The following ARHGAP20 variants were observed in gnomAD, a reference collection of about 807,000 sequenced individuals.
ARHGAP20 encodes the protein rho GTPase-activating protein 20.
Under a neutral mutation model 73.7 loss-of-function variants are expected in ARHGAP20, and 34 were observed. The ratio of observed to expected loss-of-function variants is 0.46; its 90% CI spans 0.35 to 0.61. ARHGAP20 has a LOEUF of 0.61. Among genes scored for constraint, ARHGAP20 ranks in the 20% least tolerant of loss-of-function variants. The pLI is 0.00. For missense variants in ARHGAP20, 1,314 were observed against 1,420.9 expected (o/e 0.92, Z 1.21); for synonymous variants, 523 against 518.2 (o/e 1.01, Z -0.13).
At chr11:110,585,109 G>A (rs1299960190) in intron 12 of ARHGAP20, among the ~76,000 whole-genome samples, 2 of 149,940 alleles carry the variant, frequency 1.3e-5, no homozygotes, top group Non-Finnish European at 1.5e-5. Context: ...ATGAATATAT[G>A]TGAATATATA....
chr11:110,630,469 A>C (rs988126350), intron 3 of ARHGAP20, among the ~76,000 whole-genome samples, 159 bp downstream of exon 3: 2 of 146,846 alleles, frequency 1.4e-5, no homozygotes, highest in African/African-American at 4.9e-5. Flanking sequence ...AAAATGAACA[A>C]TCGATTTTTT....
At chr11:110,656,299 AG>A (rs527322994) in intron 2 of ARHGAP20, among the ~76,000 whole-genome samples, 201 of 152,156 alleles carry the variant, frequency 1.3e-3, no homozygotes, top group African/African-American at 4.7e-3. Context: ...TGAGCCTCTG[AG>A]GTAGGGTCTT....
At chr11:110,597,170 G>A (rs987566324) in intron 9 of ARHGAP20, among the ~76,000 whole-genome samples, 6 of 151,262 alleles carry the variant, frequency 4.0e-5, no homozygotes, top group East Asian at 2.0e-4. Context: ...GGAAAGCACT[G>A]GGAAATATAC....
chr11:110,712,139 G>A lies in ARHGAP20; in HGVS notation c.93C>T (p.Ser31=). The change falls in exon 1 of 15, where the codon AGC becomes AGT. Residue 31 remains serine (S), a synonymous_variant. Transcript: ENST00000683387. ...LTGVSRLAGG[S]CTKKKMKTLA... is the part of the protein sequence containing the mutation. ...TCAGCGTCCTCACCTTCTTGGTGCA[G>A]CTGCCTCCCGCGAGCCGAGACACTC... 1.5e-6 allele frequency: 2 copies of A among 1,357,262 alleles called. No homozygotes were observed. Among genetic ancestry groups the A allele is most frequent in the Admixed American group, 3.0e-5 (1 of 33,200 alleles). The allele number at this position is 1,357,262 out of a possible 1,614,324, so 84.1% of individuals were successfully genotyped here.
At chr11:110,610,977 G>A (rs928924802) in intron 7 of ARHGAP20, among the ~76,000 whole-genome samples, 4 of 152,140 alleles carry the variant, frequency 2.6e-5, no homozygotes, top group Middle Eastern at 3.4e-3. Context: ...GTAGCAAGGG[G>A]AGAAGGAGGA....
intron 1 of ARHGAP20, chr11:110,690,949 G>A (rs1284795061): frequency 1.4e-6 from 2 of 1,465,758 alleles, no homozygotes; most frequent in Non-Finnish European, 1.8e-6. Flanking sequence ...CTGGCTCTAT[G>A]CTAAAGGCTG....
rs1565442271 is a variant in ARHGAP20 at position 110,619,689 on chromosome 11, GTAGTGATAGAGTATATA to G, written c.504-4112_504-4096del. Among the ~76,000 whole-genome samples the G allele has an allele frequency of 5.6e-4, 57 of 101,954 alleles. 1 individual carries two copies. The highest frequency in any genetic ancestry group is 4.5e-3 in the Middle Eastern group (1 of 220). The allele number at this position is 101,954 out of a possible 152,430, so 66.9% of individuals were successfully genotyped here. A position where few individuals can be genotyped will look rare whatever the true frequency, so the allele number is the denominator to read the frequency against. On this transcript the variant is annotated intron_variant, in intron 4 of 14. Transcript: ENST00000683387. ...GAGTATATGCAGTGATAGAGTATAT[GTAGTGATAGAGTATATA>G]CAGTGATAGAGTATATGTAGTGATA... is the stretch of plus-strand genomic sequence containing the variant.
At chr11:110,614,171 T>C (rs1026785770) in intron 6 of ARHGAP20, among the ~76,000 whole-genome samples, 16 of 150,968 alleles carry the variant, frequency 1.1e-4, no homozygotes, top group Admixed American at 1.3e-4. Flanking sequence ...GGGAAAAAAA[T>C]TGCTTAATAA....
intron 2 of ARHGAP20, among the ~76,000 whole-genome samples, chr11:110,670,826 T>A (rs532550191): frequency 6.6e-6 from 1 of 151,944 alleles, no homozygotes; most frequent in Admixed American, 6.6e-5. Flanking sequence ...ATCAGACAAA[T>A]CCCAATTGGA....
At chr11:110,642,784 A>G (rs1726198060) in intron 2 of ARHGAP20, among the ~76,000 whole-genome samples, 1 of 152,068 alleles carries the variant, frequency 6.6e-6, no homozygotes, top group African/African-American at 2.4e-5. Flanking sequence ...TGATATCAAG[A>G]TAATGCTGGC....
Position 110,611,320 on chromosome 11 carries a change from G to A in ARHGAP20, c.697C>T (p.Leu233=). Residue 233 remains leucine, a synonymous_variant, in exon 7 of 15, where the codon CTA becomes TTA. Transcript: ENST00000683387. The part of the protein sequence containing the change: ...NEVINMSLPM[L]GITGSERDYQ... ...GCAGAATAACTTACAGTTATCCCTA[G>A]CATTGGTAATGACATGTTGATAACT... The A allele has an allele frequency of 1.3e-6, 2 of 1,556,256 alleles. No individual in the cohort carries two copies. Among genetic ancestry groups the A allele is most frequent in the Admixed American group, 1.8e-5 (1 of 54,384 alleles).
At chr11:110,612,587 A>C (rs988688239) in intron 6 of ARHGAP20, among the ~76,000 whole-genome samples, 1 of 152,238 alleles carries the variant, frequency 6.6e-6, no homozygotes, top group Non-Finnish European at 1.5e-5. Context: ...CATGAGAATT[A>C]TAAGATTAAA....
chr11:110,606,843 G>A, intron 8 of ARHGAP20, 94 bp from the exon 9 acceptor site: 1 of 1,106,320 alleles, frequency 9.0e-7, no homozygotes, highest in Non-Finnish European at 1.2e-6. Flanking sequence ...TTTACTCCTG[G>A]GACTTTTGGC....
chr11:110,705,404 G>C (rs1950534853), intron 1 of ARHGAP20, among the ~76,000 whole-genome samples: 1 of 152,094 alleles, frequency 6.6e-6, no homozygotes, highest in African/African-American at 2.4e-5. Context: ...CTTCACCTTA[G>C]AACTAAAAGC....
intron 2 of ARHGAP20, among the ~76,000 whole-genome samples, chr11:110,688,033 T>C (rs887410647): frequency 6.6e-6 from 1 of 152,202 alleles, no homozygotes; most frequent in African/African-American, 2.4e-5. Flanking sequence ...AAAAATACTT[T>C]GTGCTTATAT....
At chr11:110,703,623 T>A (rs1950499822) in intron 1 of ARHGAP20, among the ~76,000 whole-genome samples, 1 of 152,144 alleles carries the variant, frequency 6.6e-6, no homozygotes, top group Non-Finnish European at 1.5e-5. Context: ...GTGCTGTATA[T>A]AAATAAATAT....
intron 1 of ARHGAP20, among the ~76,000 whole-genome samples, chr11:110,695,486 A>G (rs747493356): frequency 3.3e-5 from 5 of 151,738 alleles, no homozygotes; most frequent in Non-Finnish European, 7.4e-5. Flanking sequence ...AAACTCAATA[A>G]TAAAGGCAAA....
intron 1 of ARHGAP20, among the ~76,000 whole-genome samples, chr11:110,693,560 CCA>C (rs970998022): frequency 8.6e-5 from 13 of 151,884 alleles, no homozygotes; most frequent in Admixed American, 6.6e-4. Flanking sequence ...GCCAATATAA[CCA>C]GGGGCTTAAT....
intron 1 of ARHGAP20, among the ~76,000 whole-genome samples, chr11:110,697,313 A>C (rs898412376): frequency 6.6e-6 from 1 of 151,436 alleles, no homozygotes; most frequent in African/African-American, 2.4e-5. Flanking sequence ...TTGTAGTTTT[A>C]ATTAGCATTT....
Sources: gnomAD v4.1 joint callset for allele counts (sites outside exome capture counted in the v4.1 genomes callset) on GRCh38, gnomAD v4.1.1 for gene constraint, MANE v1.5 for transcripts, NCBI Gene and HGNC (gene_info 2026-07-23, HGNC 2026-07-21) for gene names.